Variants in PSMC1 observed in about 807,000 individuals in gnomAD.
The protein encoded by PSMC1 is 26S proteasome regulatory subunit 4.
Under a neutral mutation model 49.8 loss-of-function variants are expected in PSMC1, and 5 were observed. The ratio of observed to expected loss-of-function variants is 0.10; its 90% CI spans 0.05 to 0.21. The LOEUF (loss-of-function observed/expected upper bound fraction) is 0.21, where lower values mean the gene tolerates loss of function less well. PSMC1 is among the 10% of genes least tolerant of loss of function. PSMC1 has a pLI of 1.00. For missense variants in PSMC1, 181 were observed against 535.7 expected, an observed-to-expected ratio of 0.34 and a Z score of 6.54; for synonymous variants, 155 against 192.1, an observed-to-expected ratio of 0.81 and a Z score of 1.60.
At chr14:90,271,230 C>T (rs1891653570) in intron 10 of PSMC1, 1 of 152,232 alleles carries the variant, frequency 6.6e-6, no homozygotes, top group Non-Finnish European at 1.5e-5. Context: ...ATGGCCATCA[C>T]CAAACAAACT....
rs773487771 is a variant in PSMC1 at position 90,274,811 on chromosome 14, CACACACACACACACACACACACACA to C, written c.*2405_*2429del. 2.1e-4 allele frequency: 19 copies of C among 90,554 alleles called. No homozygotes were observed. Among genetic ancestry groups the C allele is most frequent in the Non-Finnish European group, 2.9e-4 (12 of 41,322 alleles). The allele number at this position is 90,554 out of a possible 1,614,324, so 5.6% of individuals were successfully genotyped here. A position where few individuals can be genotyped will look rare whatever the true frequency, so the allele number is the denominator to read the frequency against. ...CTACACACACACACACACACACACA[CACACACACACACACACACACACACA>C]CACCCCAATACATATGAATTGATCT... is the stretch of plus-strand genomic sequence containing the variant. On this transcript the variant is annotated 3_prime_UTR_variant, in exon 11 of 11. Coordinates refer to ENST00000261303, the MANE Select transcript of PSMC1 (RefSeq NM_002802.3).
chr14:90,259,317 T>C (rs1891351813), intron 2 of PSMC1, 104 bp downstream of exon 2: 1 of 1,094,038 alleles, frequency 9.1e-7, no homozygotes, highest in Non-Finnish European at 1.3e-6. Flanking sequence ...AAAAGTAGAA[T>C]GATCCAGTAG....
intron 3 of PSMC1, among the ~76,000 whole-genome samples, chr14:90,262,262 C>T (rs1402323094): frequency 6.6e-6 from 1 of 150,890 alleles, no homozygotes; most frequent in African/African-American, 2.4e-5. Flanking sequence ...CAAACCTGCA[C>T]GTCATGCACA....
intron 10 of PSMC1, chr14:90,270,838 G>A (rs1396518476): frequency 1.3e-5 from 2 of 152,352 alleles, no homozygotes; most frequent in Admixed American, 6.5e-5. Flanking sequence ...TTACAGCAAG[G>A]TCTGGCAGCG....
chr14:90,266,213 C>G (rs1335883765), intron 7 of PSMC1, among the ~76,000 whole-genome samples: 2 of 151,830 alleles, frequency 1.3e-5, no homozygotes, highest in Non-Finnish European at 2.9e-5. Context: ...TGAGATCGTG[C>G]CACTGCACTC....
intron 7 of PSMC1, among the ~76,000 whole-genome samples, chr14:90,267,223 G>A (rs144915012): frequency 0.012 from 1,837 of 151,622 alleles, 36 homozygotes; most frequent in African/African-American, 0.041. Context: ...TCCGCCTCCC[G>A]GGTTCAAGCG....
At chr14:90,261,158 T>A (rs1891389943) in intron 3 of PSMC1, among the ~76,000 whole-genome samples, 1 of 152,188 alleles carries the variant, frequency 6.6e-6, no homozygotes, top group African/African-American at 2.4e-5. Context: ...GCCTTATGTT[T>A]TTTTGACTTT....
rs1450473040 is a variant in PSMC1 at position 90,272,602 on chromosome 14, A to G, written c.*195A>G. On this transcript the variant is annotated 3_prime_UTR_variant, in exon 11 of 11. Transcript: ENST00000261303. This position sits in a 1 kb window ranked among gnomAD's most constrained non-coding sequence, Gnocchi z 4.5. ...TCACTGTGCAGCAGTCTGCTTCCCA[A>G]TAAAGCGTGCTCTTTCACAAACACT... is the stretch of plus-strand genomic sequence containing the variant. 6 of 499,138 alleles carry G rather than the reference A, an allele frequency of 1.2e-5. No individual in the cohort carries two copies. Among genetic ancestry groups the G allele is most frequent in the South Asian group, 2.6e-5 (1 of 38,374 alleles). The allele number at this position is 499,138 out of a possible 1,614,324, so 30.9% of individuals were successfully genotyped here. A position where few individuals can be genotyped will look rare whatever the true frequency, so the allele number is the denominator to read the frequency against.
chr14:90,266,583 C>T (rs1435122208), intron 7 of PSMC1, among the ~76,000 whole-genome samples: 1 of 152,168 alleles, frequency 6.6e-6, no homozygotes, highest in Non-Finnish European at 1.5e-5. Context: ...GGAACACAGG[C>T]CTCCTGACCC....
intron 1 of PSMC1, among the ~76,000 whole-genome samples, chr14:90,258,943 C>A (rs771609524): frequency 6.6e-6 from 1 of 152,130 alleles, no homozygotes; most frequent in Non-Finnish European, 1.5e-5. Context: ...GCCAGGTGCA[C>A]CAGTAATCTA....
At chr14:90,267,287 G>T (rs538237094) in intron 7 of PSMC1, among the ~76,000 whole-genome samples, 1 of 151,828 alleles carries the variant, frequency 6.6e-6, no homozygotes, top group Non-Finnish European at 1.5e-5. Context: ...TCAGCCTCCC[G>T]AGTAGCTAGG....
chr14:90,261,163 G>C (rs1490417344), intron 3 of PSMC1, among the ~76,000 whole-genome samples: 1 of 151,970 alleles, frequency 6.6e-6, no homozygotes, highest in Admixed American at 6.6e-5. Context: ...ATGTTTTTTT[G>C]ACTTTTGTAC....
intron 7 of PSMC1, chr14:90,267,597 G>A (rs564894596): frequency 3.3e-5 from 5 of 152,394 alleles, no homozygotes; most frequent in African/African-American, 7.2e-5. Context: ...TCACTGTGGC[G>A]TTCATCAAGA....
At chr14:90,265,292 C>T in intron 7 of PSMC1, 126 bp downstream of exon 7, 1 of 586,606 alleles carries the variant, frequency 1.7e-6, no homozygotes, top group South Asian at 2.5e-5. Context: ...CAGGGCTGCT[C>T]AACCTTGTCT....
rs1338967667 is a variant in PSMC1, at chr14:90,270,254, A to G, written c.1090A>G (p.Ile364Val). 3 of 1,613,756 alleles carry G rather than the reference A, an allele frequency of 1.9e-6. No individual in the cohort carries two copies. The highest frequency in any genetic ancestry group is 1.7e-6 in the Non-Finnish European group (2 of 1,179,856). Reference sequence around the variant, plus strand: ...GCCTGATGAAAAGACGAAGAAGCGCATCTTTCAGATTCACACAAGCAGGAT... The same window carrying G: ...GCCTGATGAAAAGACGAAGAAGCGCGTCTTTCAGATTCACACAAGCAGGAT... ...PLPDEKTKKR[I>V]FQIHTSRMTL... The change falls in exon 10 of 11, where the codon ATC (isoleucine) becomes GTC (valine). Residue 364 changes from isoleucine to valine, a missense_variant. This residue lies in a region of PSMC1 where 60 missense variants were observed against 155.5 expected (regional missense o/e 0.39). Coordinates refer to ENST00000261303, the MANE Select transcript of PSMC1 (RefSeq NM_002802.3).
In PSMC1 at chr14:90,259,154, C is replaced by T; in HGVS notation, c.4-6C>T. 6.2e-7 allele frequency: 1 copy of T among 1,613,194 alleles called. No individual in the cohort carries two copies. Among genetic ancestry groups the T allele is most frequent in the African/African-American group, 1.3e-5 (1 of 74,994 alleles). Reference sequence around the variant, plus strand: ...TTTACATCTGTGCCTGATTTTTCTCCTCCAGGGTCAAAGTCAGAGTGGTGG... The same window carrying T: ...TTTACATCTGTGCCTGATTTTTCTCTTCCAGGGTCAAAGTCAGAGTGGTGG... On this transcript the variant is annotated splice_region_variant and splice_polypyrimidine_tract_variant and intron_variant, in intron 1 of 10. Coordinates refer to ENST00000261303, the MANE Select transcript of PSMC1 (RefSeq NM_002802.3).
intron 10 of PSMC1, 115 bp downstream of exon 10, chr14:90,270,467 A>G: frequency 8.5e-7 from 1 of 1,180,730 alleles, no homozygotes. Context: ...CTGTATTTTA[A>G]TCATCATATT....
intron 1 of PSMC1, 106 bp downstream of exon 1, chr14:90,256,706 C>CT: frequency 6.6e-7 from 1 of 1,506,956 alleles, no homozygotes; most frequent in Non-Finnish European, 9.0e-7. Flanking sequence ...GGACAGCCCT[C>CT]TTCTCCTTTT....
chr14:90,257,202 T>G (rs1051575733), intron 1 of PSMC1, among the ~76,000 whole-genome samples: 12 of 108,980 alleles, frequency 1.1e-4, no homozygotes, highest in Non-Finnish European at 2.4e-4. Context: ...TACTGAGCAC[T>G]TGGTGTTTTG....
Sources: gnomAD v4.1 joint callset for allele counts (sites outside exome capture counted in the v4.1 genomes callset) on GRCh38, gnomAD v4.1.1 for gene constraint, gnomAD v4.1.1 regional missense constraint, Gnocchi (gnomAD v3.1) non-coding constraint, MANE v1.5 for transcripts, NCBI Gene and HGNC (gene_info 2026-07-23, HGNC 2026-07-21) for gene names.